Variants in TNR observed in about 807,000 individuals in gnomAD.
TNR encodes the protein tenascin R.
Under a neutral mutation model 150.4 loss-of-function variants are expected in TNR, and 45 were observed. That is an observed-to-expected ratio of 0.30 (90% CI 0.24 to 0.38). The LOEUF (loss-of-function observed/expected upper bound fraction) is 0.38. TNR is among the 10% of genes least tolerant of loss of function. The pLI, the probability that TNR is intolerant of heterozygous loss-of-function variation, is 1.00. For missense variants in TNR, 1,544 were observed against 1,759.1 expected, an observed-to-expected ratio of 0.88 and a Z score of 2.19; for synonymous variants, 687 against 678.4, an observed-to-expected ratio of 1.01 and a Z score of -0.20.
chr1:175,725,338 GAATTATCACA>G (rs1395082153), intron 1 of TNR, among the ~76,000 whole-genome samples: 1 of 152,118 alleles, frequency 6.6e-6, no homozygotes, highest in Admixed American at 6.5e-5. Flanking sequence ...TAGCACTGTG[GAATTATCACA>G]AACTTTAGTT....
At chr1:175,730,897 T>C (rs1057334030) in intron 1 of TNR, among the ~76,000 whole-genome samples, 2 of 152,086 alleles carry the variant, frequency 1.3e-5, no homozygotes, top group African/African-American at 4.8e-5. Flanking sequence ...AGGAATGAGG[T>C]AGAAGCTGCT....
chr1:175,701,330 C>T (rs1666690485), intron 1 of TNR, among the ~76,000 whole-genome samples: 1 of 152,206 alleles, frequency 6.6e-6, no homozygotes, highest in African/African-American at 2.4e-5. Context: ...CACTTCTTCT[C>T]ATGGTGGCCT....
At chr1:175,393,579 G>A (rs548806849) in intron 6 of TNR, among the ~76,000 whole-genome samples, 3 of 152,190 alleles carry the variant, frequency 2.0e-5, no homozygotes, top group Admixed American at 1.3e-4. Context: ...CCATGCTCAG[G>A]GCTACTCTTG....
At chr1:175,379,395 C>T (rs1652562282) in intron 9 of TNR, among the ~76,000 whole-genome samples, 157 bp downstream of exon 9, 1 of 152,060 alleles carries the variant, frequency 6.6e-6, no homozygotes, top group Non-Finnish European at 1.5e-5. Flanking sequence ...CAGGTGATGG[C>T]AGTACAATGG....
chr1:175,364,608 A>G (rs1651750756), intron 12 of TNR, among the ~76,000 whole-genome samples: 1 of 152,228 alleles, frequency 6.6e-6, no homozygotes, highest in Admixed American at 6.5e-5. Context: ...TGTGAGACTA[A>G]GGAAGCATTA....
intron 1 of TNR, among the ~76,000 whole-genome samples, chr1:175,556,052 G>C (rs1398038025): frequency 6.6e-6 from 1 of 152,254 alleles, no homozygotes; most frequent in Non-Finnish European, 1.5e-5. Context: ...AGGGCAGCCA[G>C]GGCTGCAACT....
intron 1 of TNR, among the ~76,000 whole-genome samples, chr1:175,577,038 T>C (rs1662145120): frequency 6.6e-6 from 1 of 152,154 alleles, no homozygotes. Flanking sequence ...GGGTTTCAAT[T>C]CATTCCCCCA....
chr1:175,363,949 A>T, intron 12 of TNR, 122 bp from the exon 13 acceptor site: 1 of 1,229,488 alleles, frequency 8.1e-7, no homozygotes, highest in Non-Finnish European at 1.1e-6. Flanking sequence ...AGATCTTTCC[A>T]TGTAATAGGG....
At chr1:175,393,034 G>A (rs1294144841) in intron 6 of TNR, among the ~76,000 whole-genome samples, 2 of 152,282 alleles carry the variant, frequency 1.3e-5, no homozygotes, top group East Asian at 1.9e-4. Flanking sequence ...AAGACAGAGG[G>A]AAGGAGTATA....
At position 175,336,634 on chromosome 1, in the gene TNR, A is replaced by C. The variant is rs1193280392; in HGVS notation, c.3535-827T>G. Among the ~76,000 whole-genome samples the C allele has an allele frequency of 2.0e-5, 3 of 152,210 alleles. No homozygotes were observed. In the East Asian group the frequency reaches 5.8e-4, roughly 29 times the overall value. On this transcript the variant is annotated intron_variant, in intron 19 of 22. Coordinates refer to ENST00000367674, the MANE Select transcript of TNR (RefSeq NM_003285.3). ...ATTTTCCCTCACTCTGTATTGCCCT[A>C]TCAGGCATGGGAGGAGGGTGGTGAC...
intron 1 of TNR, among the ~76,000 whole-genome samples, chr1:175,565,821 G>T (rs1661619602): frequency 1.3e-5 from 2 of 152,168 alleles, no homozygotes; most frequent in Non-Finnish European, 1.5e-5. Flanking sequence ...ATCATACAAT[G>T]AAATACCATG....
At chr1:175,478,481 T>G (rs1657643870) in intron 2 of TNR, among the ~76,000 whole-genome samples, 1 of 152,186 alleles carries the variant, frequency 6.6e-6, no homozygotes, top group African/African-American at 2.4e-5. Flanking sequence ...ATGTGCTTTG[T>G]AAACATTCAA....
chr1:175,367,511 T>A (rs1387520265), intron 9 of TNR, among the ~76,000 whole-genome samples: 2 of 152,176 alleles, frequency 1.3e-5, no homozygotes, highest in African/African-American at 4.8e-5. Context: ...GCTTCCTTCT[T>A]GCAGGCAGGC....
intron 2 of TNR, among the ~76,000 whole-genome samples, chr1:175,430,766 C>T (rs1412216619): frequency 6.6e-6 from 1 of 152,208 alleles, no homozygotes; most frequent in Non-Finnish European, 1.5e-5. Context: ...TTCTTCTCTG[C>T]TTTCCTCTCA....
rs371165391 is a variant in TNR, at chr1:175,578,133, G to T, written c.-164-49764C>A. Among the ~76,000 whole-genome samples the T allele has an allele frequency of 1.3e-4, 20 of 152,258 alleles. No individual in the cohort carries two copies. The South Asian group carries it at 4.1e-3, about 32-fold the overall frequency. ...ACCTCTCGGGTCTGTAGTTGTGTGT[G>T]CCTGGCTGAGCAGGGCTCGCCTCAC... On this transcript the variant is annotated intron_variant, in intron 1 of 22. Transcript: ENST00000367674.
intron 1 of TNR, among the ~76,000 whole-genome samples, chr1:175,559,837 T>C (rs1000554998): frequency 1.3e-5 from 2 of 152,182 alleles, no homozygotes; most frequent in African/African-American, 4.8e-5. Context: ...AGGTTATATA[T>C]CTAGAAATAT....
At chr1:175,529,105 G>T (rs1251492262) in intron 1 of TNR, among the ~76,000 whole-genome samples, 1 of 152,130 alleles carries the variant, frequency 6.6e-6, no homozygotes, top group Non-Finnish European at 1.5e-5. Flanking sequence ...CTTCAGCCAG[G>T]CCTCCGCTAC....
At chr1:175,365,854 G>A in intron 11 of TNR, 21 bp downstream of exon 11, 2 of 1,605,640 alleles carry the variant, frequency 1.2e-6, no homozygotes, top group South Asian at 2.2e-5. Flanking sequence ...AACCTGGCTG[G>A]GATTTCTGCT....
At chr1:175,452,350 A>G (rs1656366838) in intron 2 of TNR, among the ~76,000 whole-genome samples, 1 of 152,256 alleles carries the variant, frequency 6.6e-6, no homozygotes. Flanking sequence ...GTGATAGGAT[A>G]TCAGGGCTGT....
Sources: allele counts gnomAD v4.1 joint callset (sites outside exome capture counted in the v4.1 genomes callset), GRCh38; gene constraint gnomAD v4.1.1; transcripts MANE v1.5; gene names NCBI Gene and HGNC (gene_info 2026-07-23, HGNC 2026-07-21).